The following GABRG2 variants were observed in gnomAD, a reference collection of about 807,000 sequenced individuals.
GABRG2 encodes gamma-aminobutyric acid type A receptor subunit gamma2.
GABRG2 carries 16 observed loss-of-function variants against 56.4 expected under a neutral mutation model. The ratio of observed to expected loss-of-function variants is 0.28; its 90% CI spans 0.19 to 0.43. The LOEUF is 0.43. Among genes scored for constraint, GABRG2 ranks in the 20% least tolerant of loss-of-function variants. GABRG2 has a pLI of 1.00. For synonymous variants in GABRG2, 208 were observed against 205.5 expected, an observed-to-expected ratio of 1.01 and a Z score of -0.10; for missense variants, 327 against 582.7, an observed-to-expected ratio of 0.56 and a Z score of 4.52.
chr5:162,081,236 A>G (rs1018805384), intron 1 of GABRG2, among the ~76,000 whole-genome samples: 1 of 152,088 alleles, frequency 6.6e-6, no homozygotes, highest in Non-Finnish European at 1.5e-5. Context: ...TTTTAAGCCC[A>G]ATTATCTCAT....
intron 6 of GABRG2, among the ~76,000 whole-genome samples, chr5:162,124,799 A>G (rs1324066063): frequency 1.3e-5 from 2 of 151,852 alleles, no homozygotes; most frequent in African/African-American, 4.8e-5. Context: ...AGCTCTTTCT[A>G]AATATTCCTA....
rs1280365214 is a variant in GABRG2, at chr5:162,149,579, G to C, written c.1128+266G>C. On this transcript the variant is annotated intron_variant, in intron 8 of 9. Transcript: ENST00000639213. ...TTTTGTGGAGACTAAAGCCATTTTTGAGAAATGTGACCTTCTTCTTGTTGC... is the reference window on the plus strand; with the variant it reads ...TTTTGTGGAGACTAAAGCCATTTTTCAGAAATGTGACCTTCTTCTTGTTGC... 1.3e-5 allele frequency: 10 copies of C among 754,758 alleles called. No individual in the cohort carries two copies. In the Admixed American group the frequency reaches 1.7e-4, roughly 13 times the overall value. 46.8% of individuals were successfully genotyped at this position (754,758 alleles called of 1,614,324 possible). A position where few individuals can be genotyped will look rare whatever the true frequency, so the allele number is the denominator to read the frequency against.
intron 6 of GABRG2, among the ~76,000 whole-genome samples, chr5:162,106,340 C>T (rs948005342): frequency 1.3e-5 from 2 of 152,172 alleles, no homozygotes; most frequent in Non-Finnish European, 2.9e-5. Context: ...TTCTCTCCCA[C>T]TCCTCACCCT....
chr5:162,119,130 A>C (rs1359102748), intron 6 of GABRG2, among the ~76,000 whole-genome samples: 1 of 152,142 alleles, frequency 6.6e-6, no homozygotes, highest in Non-Finnish European at 1.5e-5. Context: ...ATTAGACTCC[A>C]CACAGAGATA....
At chr5:162,149,067 T>A (rs1281375956) in intron 7 of GABRG2, 41 bp from the exon 8 acceptor site, 3 of 1,592,768 alleles carry the variant, frequency 1.9e-6, no homozygotes, top group African/African-American at 1.3e-5. Flanking sequence ...CCCAACTTGC[T>A]TATGCAATCA....
At chr5:162,105,858 T>G (rs1561645920) in intron 6 of GABRG2, among the ~76,000 whole-genome samples, 1 of 147,478 alleles carries the variant, frequency 6.8e-6, no homozygotes, top group Non-Finnish European at 1.5e-5. Context: ...GTAAAATTAA[T>G]CTCCAGTTCT....
intron 1 of GABRG2, among the ~76,000 whole-genome samples, chr5:162,081,710 A>G (rs918186199): frequency 1.6e-4 from 25 of 152,068 alleles, no homozygotes; most frequent in African/African-American, 5.8e-4. Flanking sequence ...TAAAATCATA[A>G]TATGATATCA....
chr5:162,091,961 A>C (rs934309811), intron 1 of GABRG2, among the ~76,000 whole-genome samples: 3 of 152,094 alleles, frequency 2.0e-5, no homozygotes, highest in Non-Finnish European at 4.4e-5. Context: ...TTGCAAGAAC[A>C]ATTTAAACCG....
At chr5:162,127,349 C>T (rs959018640) in intron 6 of GABRG2, among the ~76,000 whole-genome samples, 8 of 151,926 alleles carry the variant, frequency 5.3e-5, no homozygotes, top group Admixed American at 2.6e-4. Flanking sequence ...TAAGATCATT[C>T]TAGGTTTATA....
At chr5:162,119,175 TAAAACATTC>T (rs1291606313) in intron 6 of GABRG2, among the ~76,000 whole-genome samples, 2 of 152,214 alleles carry the variant, frequency 1.3e-5, no homozygotes, top group East Asian at 3.9e-4. Context: ...CCTTTCATAT[TAAAACATTC>T]AGTGCGTTCT....
intron 6 of GABRG2, among the ~76,000 whole-genome samples, chr5:162,138,507 G>A (rs1249994242): frequency 2.0e-5 from 3 of 152,086 alleles, no homozygotes; most frequent in Non-Finnish European, 4.4e-5. Flanking sequence ...TCAGTTATGA[G>A]GCCCCCTATG....
At chr5:162,104,918 A>G (rs1219553468) in intron 6 of GABRG2, among the ~76,000 whole-genome samples, 1 of 152,154 alleles carries the variant, frequency 6.6e-6, no homozygotes, top group Non-Finnish European at 1.5e-5. Flanking sequence ...ACTCTCAGCA[A>G]TGTTGCTTAT....
chr5:162,142,024 G>T (rs1157561071), intron 6 of GABRG2, 140 bp from the exon 7 acceptor site: 1 of 1,095,006 alleles, frequency 9.1e-7, no homozygotes, highest in Non-Finnish European at 1.4e-6. Flanking sequence ...ACCCAAGCGG[G>T]CAAAAATAGT....
chr5:162,131,951 G>A (rs1039189310), intron 6 of GABRG2, among the ~76,000 whole-genome samples: 4 of 149,924 alleles, frequency 2.7e-5, no homozygotes, highest in African/African-American at 9.7e-5. Flanking sequence ...TATTCTAATA[G>A]TAAAACTTAG....
chr5:162,139,103 C>G (rs951899442), intron 6 of GABRG2, among the ~76,000 whole-genome samples: 22 of 152,032 alleles, frequency 1.4e-4, no homozygotes, highest in Admixed American at 7.2e-4. Flanking sequence ...GATGTTGTTT[C>G]AAATTATATG....
chr5:162,068,655 A>G (rs757400073), intron 1 of GABRG2, among the ~76,000 whole-genome samples: 1 of 152,102 alleles, frequency 6.6e-6, no homozygotes, highest in East Asian at 1.9e-4. Context: ...CCAACAGCCA[A>G]CTACCCGTGT....
chr5:162,130,882 C>T lies in GABRG2; in HGVS notation c.770-11282C>T, dbSNP rs77224753. On this transcript the variant is annotated intron_variant, in intron 6 of 9. Transcript: ENST00000639213. ...AGCTGGCTGACACCCACTGAGTCCC[C>T]ATAGAAGGCATGGAGAGAGACCATG... Among the ~76,000 whole-genome samples the T allele has an allele frequency of 5.2e-3, 783 of 152,006 alleles. 4 individuals are homozygous for T. Among genetic ancestry groups the T allele is most frequent in the African/African-American group, 0.017 (709 of 41,484 alleles).
chr5:162,117,046 CA>C (rs1359805755), intron 6 of GABRG2, among the ~76,000 whole-genome samples: 1 of 152,142 alleles, frequency 6.6e-6, no homozygotes, highest in Non-Finnish European at 1.5e-5. Flanking sequence ...ATTATCCTCT[CA>C]AAAAGAGATT....
At chr5:162,095,038 A>G (rs1581344971) in intron 2 of GABRG2, among the ~76,000 whole-genome samples, 1 of 152,250 alleles carries the variant, frequency 6.6e-6, no homozygotes, top group East Asian at 1.9e-4. Flanking sequence ...ACCAATTTAT[A>G]TTACCAGTTT....
Sources: gnomAD v4.1 joint callset for allele counts (sites outside exome capture counted in the v4.1 genomes callset) on GRCh38, gnomAD v4.1.1 for gene constraint, MANE v1.5 for transcripts, NCBI Gene and HGNC (gene_info 2026-07-23, HGNC 2026-07-21) for gene names.